ZFP2: variants seen among roughly 807,000 people sequenced by gnomAD.
The protein encoded by ZFP2 is ZFP2 zinc finger protein.
A neutral mutation model predicts 36.1 loss-of-function variants in ZFP2; 33 were observed. That is an observed-to-expected ratio of 0.92 (90% CI 0.69 to 1.22). The LOEUF (loss-of-function observed/expected upper bound fraction) is 1.22. Ranked by LOEUF, ZFP2 falls within the 50% of genes most tolerant of loss-of-function variation. The probability of loss-of-function intolerance (pLI) is 0.00; values close to 1 mark genes in which losing one functional copy is unlikely to be tolerated. For missense variants in ZFP2, 522 were observed against 551.4 expected (o/e 0.95, Z 0.53); for synonymous variants, 170 against 178.0 (o/e 0.96, Z 0.36).
At chr5:178,896,757 T>C (rs1037213804) in intron 1 of ZFP2, among the ~76,000 whole-genome samples, 2 of 152,208 alleles carry the variant, frequency 1.3e-5, no homozygotes, top group Non-Finnish European at 2.9e-5. Flanking sequence ...AACAGAAATA[T>C]GAATATTAGC....
At chr5:178,903,691 C>G (rs1168908820) in intron 1 of ZFP2, among the ~76,000 whole-genome samples, 1 of 152,188 alleles carries the variant, frequency 6.6e-6, no homozygotes, top group Non-Finnish European at 1.5e-5. Context: ...GAAAAGGAGC[C>G]TGGCATGGTG....
At chr5:178,925,126 T>TATATATATATATAC (rs1176286324) in intron 4 of ZFP2, among the ~76,000 whole-genome samples, 4 of 133,566 alleles carry the variant, frequency 3.0e-5, no homozygotes, top group South Asian at 4.6e-4. Flanking sequence ...TATATATATA[T>TATATATATATATAC]ACACACACAC....
intron 4 of ZFP2, among the ~76,000 whole-genome samples, chr5:178,923,559 G>A (rs1297172316): frequency 6.7e-6 from 1 of 149,326 alleles, no homozygotes; most frequent in Non-Finnish European, 1.5e-5. Flanking sequence ...AAATGGTTTA[G>A]GAGTACTGTT....
chr5:178,918,453 T>C (rs1311209405), intron 4 of ZFP2, among the ~76,000 whole-genome samples: 2 of 152,184 alleles, frequency 1.3e-5, no homozygotes, highest in Non-Finnish European at 2.9e-5. Context: ...TGGGACCTGC[T>C]TGCTGCCCAG....
At chr5:178,896,429 A>T (rs1235813217) in intron 1 of ZFP2, among the ~76,000 whole-genome samples, 1 of 151,840 alleles carries the variant, frequency 6.6e-6, no homozygotes, top group Non-Finnish European at 1.5e-5. Context: ...ACCCGCGGAC[A>T]TCCCGGGGAT....
intron 4 of ZFP2, among the ~76,000 whole-genome samples, chr5:178,928,140 C>G (rs1758732210): frequency 6.6e-6 from 1 of 151,912 alleles, no homozygotes; most frequent in Non-Finnish European, 1.5e-5. Flanking sequence ...CAGTCACCTC[C>G]CATAAGGCCC....
At chr5:178,902,893 A>G (rs1188259977) in intron 1 of ZFP2, among the ~76,000 whole-genome samples, 5 of 152,192 alleles carry the variant, frequency 3.3e-5, no homozygotes, top group Non-Finnish European at 5.9e-5. Flanking sequence ...ATTTCACAAT[A>G]TATCTTGGAG....
intron 4 of ZFP2, among the ~76,000 whole-genome samples, chr5:178,929,947 G>GT (rs902698117): frequency 6.6e-6 from 1 of 150,486 alleles, no homozygotes; most frequent in Non-Finnish European, 1.5e-5. Context: ...GACGGTGGGG[G>GT]GGGGGGCTCA....
intron 1 of ZFP2, among the ~76,000 whole-genome samples, chr5:178,911,878 G>A (rs1758304268): frequency 1.3e-5 from 2 of 152,140 alleles, no homozygotes; most frequent in Non-Finnish European, 2.9e-5. Flanking sequence ...GCTCACTCCT[G>A]TAATCCCAGC....
At chr5:178,929,133 G>A (rs1331632887) in intron 4 of ZFP2, among the ~76,000 whole-genome samples, 1 of 151,760 alleles carries the variant, frequency 6.6e-6, no homozygotes, top group Non-Finnish European at 1.5e-5. Flanking sequence ...GCCTGGCCCA[G>A]GAAACCATTC....
intron 4 of ZFP2, among the ~76,000 whole-genome samples, chr5:178,925,778 C>T (rs1238566298): frequency 3.3e-5 from 5 of 149,290 alleles, no homozygotes; most frequent in Non-Finnish European, 7.5e-5. Context: ...AGTCTCCATT[C>T]TAGTTTTTTG....
At chr5:178,906,156 G>T (rs1215721713) in intron 1 of ZFP2, among the ~76,000 whole-genome samples, 2 of 152,208 alleles carry the variant, frequency 1.3e-5, no homozygotes, top group East Asian at 3.9e-4. Context: ...TAGAAGCTCT[G>T]CGCATGCTGA....
chr5:178,917,242 A>G (rs1036865632), intron 4 of ZFP2, among the ~76,000 whole-genome samples: 2 of 152,210 alleles, frequency 1.3e-5, no homozygotes, highest in Non-Finnish European at 2.9e-5. Context: ...TGGGGATTCT[A>G]TAATCTTTTT....
Position 178,931,909 on chromosome 5 carries a change from C to A in ZFP2, c.596C>A (p.Ser199Ter). ...KECGKAFHKN[S>*]SLIQHERIHT... ...TGTGGCAAAGCCTTCCATAAGAATT[C>A]ATCTCTTATTCAGCATGAAAGGATT... The change falls in exon 5 of 5, where the codon TCA becomes TAA. Residue 199 changes from serine (S) to a stop codon, truncating the protein, a stop_gained. Transcript: ENST00000361362. LOFTEE classifies it high-confidence loss of function. The A allele has an allele frequency of 6.2e-7, 1 of 1,613,958 alleles. No homozygotes were observed. The highest frequency in any genetic ancestry group is 8.5e-7 in the Non-Finnish European group (1 of 1,179,962).
intron 3 of ZFP2, 117 bp from the exon 4 acceptor site, chr5:178,916,448 C>A: frequency 1.8e-6 from 1 of 543,466 alleles, no homozygotes; most frequent in Non-Finnish European, 2.3e-6. Flanking sequence ...TTGAGTGTAT[C>A]TGAAAGAGCA....
intron 4 of ZFP2, among the ~76,000 whole-genome samples, chr5:178,930,650 A>G (rs1234312563): frequency 2.6e-5 from 4 of 152,196 alleles, no homozygotes; most frequent in East Asian, 3.9e-4. Context: ...CTCATTTTAT[A>G]TCTGTGACCC....
At chr5:178,910,883 T>C (rs1042723510) in intron 1 of ZFP2, among the ~76,000 whole-genome samples, 10 of 152,188 alleles carry the variant, frequency 6.6e-5, no homozygotes, top group Admixed American at 4.6e-4. Flanking sequence ...AGTGAACCAC[T>C]GGGTTCATTT....
chr5:178,929,907 G>A (rs1223248983), intron 4 of ZFP2, among the ~76,000 whole-genome samples: 1 of 147,168 alleles, frequency 6.8e-6, no homozygotes, highest in Non-Finnish European at 1.5e-5. Flanking sequence ...CACAGTTCCT[G>A]TACAAGAGGC....
chr5:178,910,421 G>A (rs1236241141), intron 1 of ZFP2: 4 of 806,026 alleles, frequency 5.0e-6, no homozygotes, highest in South Asian at 4.1e-5. Flanking sequence ...TTGGCAGCTG[G>A]CAGCCTCGGC....
Sources: gnomAD v4.1 joint callset for allele counts (sites outside exome capture counted in the v4.1 genomes callset) on GRCh38, gnomAD v4.1.1 for gene constraint, MANE v1.5 for transcripts, NCBI Gene and HGNC (gene_info 2026-07-23, HGNC 2026-07-21) for gene names.